The following CHRM3 variants were observed in gnomAD, a reference collection of about 807,000 sequenced individuals.
The protein encoded by CHRM3 is cholinergic receptor muscarinic 3, also known as muscarinic acetylcholine receptor M3.
A neutral mutation model predicts 41.8 loss-of-function variants in CHRM3; 11 were observed. The observed-to-expected ratio is 0.26, with a 90% CI of 0.17 to 0.44. The LOEUF (loss-of-function observed/expected upper bound fraction) is 0.44. Ranked by LOEUF, CHRM3 falls within the 20% of genes least tolerant of loss-of-function variation. The pLI, the probability that CHRM3 is intolerant of heterozygous loss-of-function variation, is 1.00. For synonymous variants in CHRM3, 297 were observed against 301.4 expected, an observed-to-expected ratio of 0.99 and a Z score of 0.15; for missense variants, 571 against 745.4, an observed-to-expected ratio of 0.77 and a Z score of 2.72.
chr1:239,588,578 G>A (rs566184129), intron 3 of CHRM3, among the ~76,000 whole-genome samples: 170 of 152,224 alleles, frequency 1.1e-3, no homozygotes, highest in Non-Finnish European at 1.8e-3. Context: ...AGATGATTTT[G>A]AATATTAAAA....
At chr1:239,391,603 T>G (rs1314261777) in intron 1 of CHRM3, among the ~76,000 whole-genome samples, 1 of 152,134 alleles carries the variant, frequency 6.6e-6, no homozygotes, top group Non-Finnish European at 1.5e-5. Flanking sequence ...TGCACCTTCT[T>G]AGCTTCCTCT....
At chr1:239,616,502 A>T (rs2148783765) in intron 3 of CHRM3, among the ~76,000 whole-genome samples, 1 of 152,318 alleles carries the variant, frequency 6.6e-6, no homozygotes, top group Admixed American at 6.5e-5. Flanking sequence ...CTAATCAAAA[A>T]TATCACTTAA....
intron 5 of CHRM3, among the ~76,000 whole-genome samples, chr1:239,713,886 A>T (rs1470959001): frequency 6.6e-6 from 1 of 152,196 alleles, no homozygotes; most frequent in East Asian, 1.9e-4. Context: ...CGAGGGACAA[A>T]ACATAAGCCC....
intron 6 of CHRM3, among the ~76,000 whole-genome samples, chr1:239,892,776 A>G (rs952689582): frequency 1.3e-5 from 2 of 152,158 alleles, no homozygotes; most frequent in Non-Finnish European, 2.9e-5. Context: ...TGTCTCATGC[A>G]CCTTCCTGTC....
intron 5 of CHRM3, among the ~76,000 whole-genome samples, chr1:239,754,187 G>A (rs1026484130): frequency 7.2e-5 from 11 of 152,124 alleles, no homozygotes; most frequent in African/African-American, 2.7e-4. Context: ...TGTTTCAATT[G>A]CAGTATCTGG....
intron 4 of CHRM3, among the ~76,000 whole-genome samples, chr1:239,675,057 A>G (rs6677810): frequency 0.023 from 3,541 of 152,076 alleles, 146 homozygotes; most frequent in African/African-American, 0.08. Flanking sequence ...CCATTTTCTC[A>G]TGCCAGAATT....
chr1:239,771,216 T>G (rs1667639721), intron 5 of CHRM3, among the ~76,000 whole-genome samples: 1 of 152,172 alleles, frequency 6.6e-6, no homozygotes, highest in African/African-American at 2.4e-5. Flanking sequence ...TTAGCCGCCC[T>G]CTCCCTTCTT....
At chr1:239,897,124 T>G (rs1188316877) in intron 6 of CHRM3, among the ~76,000 whole-genome samples, 2 of 152,190 alleles carry the variant, frequency 1.3e-5, no homozygotes, top group Non-Finnish European at 2.9e-5. Context: ...TTCCTGGCCC[T>G]GCATGCTATG....
chr1:239,509,169 A>G (rs1407414268), intron 2 of CHRM3, among the ~76,000 whole-genome samples: 1 of 152,224 alleles, frequency 6.6e-6, no homozygotes, highest in Non-Finnish European at 1.5e-5. Flanking sequence ...ATTTAGCTAA[A>G]CCATCCAGTG....
chr1:239,747,723 A>C (rs1047264213), intron 5 of CHRM3, among the ~76,000 whole-genome samples: 1 of 152,220 alleles, frequency 6.6e-6, no homozygotes, highest in South Asian at 2.1e-4. Flanking sequence ...AATAATGCTT[A>C]TAATCTATTA....
intron 5 of CHRM3, among the ~76,000 whole-genome samples, chr1:239,743,607 G>A (rs1665050200): frequency 6.6e-6 from 1 of 151,890 alleles, no homozygotes; most frequent in Non-Finnish European, 1.5e-5. Flanking sequence ...GCAAACCAAG[G>A]GAGAGGAGCT....
chr1:239,524,373 T>C (rs1360412526), intron 2 of CHRM3, among the ~76,000 whole-genome samples: 1 of 152,198 alleles, frequency 6.6e-6, no homozygotes, highest in African/African-American at 2.4e-5. Flanking sequence ...CTCCACTTTG[T>C]AATATGTTAG....
chr1:239,514,704 G>T (rs1669144826), intron 2 of CHRM3, among the ~76,000 whole-genome samples: 1 of 152,052 alleles, frequency 6.6e-6, no homozygotes, highest in Non-Finnish European at 1.5e-5. Context: ...GAACTTAGTG[G>T]TGAAGAAATT....
chr1:239,662,855 TCTC>T (rs1207442078), intron 4 of CHRM3, among the ~76,000 whole-genome samples: 1 of 149,152 alleles, frequency 6.7e-6, no homozygotes, highest in African/African-American at 2.5e-5. Flanking sequence ...TCCTCTTCCT[TCTC>T]CTTCTCCTTT....
intron 3 of CHRM3, among the ~76,000 whole-genome samples, chr1:239,550,909 G>C (rs1235736997): frequency 6.6e-6 from 1 of 151,904 alleles, no homozygotes; most frequent in Admixed American, 6.6e-5. Flanking sequence ...ATTTTAAATA[G>C]TTCTTAAGGT....
chr1:239,896,194 G>A (rs1678990749), intron 6 of CHRM3, among the ~76,000 whole-genome samples: 2 of 152,138 alleles, frequency 1.3e-5, no homozygotes, highest in Admixed American at 1.3e-4. Flanking sequence ...CGGGGACATA[G>A]GCTCTTCCCT....
intron 6 of CHRM3, among the ~76,000 whole-genome samples, chr1:239,841,157 A>C (rs1367584652): frequency 1.3e-5 from 2 of 152,202 alleles, no homozygotes; most frequent in South Asian, 2.1e-4. Flanking sequence ...CTGGTCCATA[A>C]AAGTTGAGAA....
intron 1 of CHRM3, among the ~76,000 whole-genome samples, chr1:239,467,376 A>T (rs1010866390): frequency 2.6e-5 from 4 of 151,992 alleles, no homozygotes; most frequent in Non-Finnish European, 5.9e-5. Flanking sequence ...ATCTCAGTTG[A>T]CTGCAACCTC....
At chr1:239,859,926 C>A in intron 6 of CHRM3, among the ~76,000 whole-genome samples, 1 of 148,366 alleles carries the variant, frequency 6.7e-6, no homozygotes. Context: ...AACAGTAAAC[C>A]AAAGAGAACA....
Sources: gnomAD v4.1 joint callset for allele counts (sites outside exome capture counted in the v4.1 genomes callset) on GRCh38, gnomAD v4.1.1 for gene constraint, MANE v1.5 for transcripts, NCBI Gene and HGNC (gene_info 2026-07-23, HGNC 2026-07-21) for gene names.